TTLL11: variants seen among roughly 807,000 people sequenced by gnomAD.
The protein encoded by TTLL11 is tubulin polyglutamylase TTLL11.
Under a neutral mutation model 51.7 loss-of-function variants are expected in TTLL11, and 42 were observed. That is an observed-to-expected ratio of 0.81 (90% CI 0.64 to 1.05). The LOEUF is 1.05. TTLL11 is among the 50% of genes least tolerant of loss of function. The pLI, the probability that TTLL11 is intolerant of heterozygous loss-of-function variation, is 0.00. For missense variants in TTLL11, 799 were observed against 940.4 expected (o/e 0.85, Z 1.97); for synonymous variants, 381 against 383.5 (o/e 0.99, Z 0.08).
chr9:122,022,043 G>GA (rs1049802981), intron 3 of TTLL11, among the ~76,000 whole-genome samples: 2 of 152,132 alleles, frequency 1.3e-5, no homozygotes, highest in African/African-American at 4.8e-5. Flanking sequence ...CGACAAGAAT[G>GA]AAAAAAATGA....
chr9:121,994,469 C>A (rs1843199363), intron 3 of TTLL11, among the ~76,000 whole-genome samples: 1 of 152,174 alleles, frequency 6.6e-6, no homozygotes, highest in Non-Finnish European at 1.5e-5. Context: ...CTCACTTAAT[C>A]CTCACAACAA....
intron 1 of TTLL11, among the ~76,000 whole-genome samples, chr9:122,048,313 A>C (rs4837936): frequency 0.43 from 65,360 of 151,832 alleles, 15,992 homozygotes; most frequent in African/African-American, 0.67. Flanking sequence ...ACTATAAGCA[A>C]ATGGCACAGC....
rs550752902 is a variant in TTLL11 at position 122,030,900 on chromosome 9, G to A, written c.693+823C>T. ...AAGCTGCAGTAAGCCAAGATCTCACGACTGCACTCTGGCCTAGGCAACAGA... is the reference window on the plus strand; with the variant it reads ...AAGCTGCAGTAAGCCAAGATCTCACAACTGCACTCTGGCCTAGGCAACAGA... On this transcript the variant is annotated intron_variant, in intron 3 of 8. Coordinates refer to ENST00000321582, the MANE Select transcript of TTLL11 (RefSeq NM_001139442.2). Among the ~76,000 whole-genome samples the A allele has an allele frequency of 3.4e-4, 51 of 151,848 alleles. 1 individual carries two copies. The highest frequency in any genetic ancestry group is 1.1e-3 in the African/African-American group (46 of 41,390).
intron 6 of TTLL11, among the ~76,000 whole-genome samples, chr9:121,874,157 A>G (rs1013529791): frequency 6.6e-6 from 1 of 151,954 alleles, no homozygotes; most frequent in Admixed American, 6.6e-5. Flanking sequence ...GTGCCTGGCC[A>G]GTCTGGTTAA....
rs1313434230 is a variant in TTLL11 at position 121,817,747 on chromosome 9, G to C, written c.*4840C>G. The C allele has an allele frequency of 6.6e-6, 1 of 152,316 alleles. No homozygotes were observed. Among genetic ancestry groups the C allele is most frequent in the Non-Finnish European group, 1.5e-5 (1 of 68,106 alleles). The allele number at this position is 152,316 out of a possible 1,614,324, so 9.4% of individuals were successfully genotyped here. On this transcript the variant is annotated 3_prime_UTR_variant, in exon 9 of 9. Coordinates refer to ENST00000321582, the MANE Select transcript of TTLL11 (RefSeq NM_001139442.2). ...TGCCGAGGAAGGAGTGTGGGATCTGGAGCCAGCCGGGGGGCTCAGGTGGAT... is the reference window on the plus strand; with the variant it reads ...TGCCGAGGAAGGAGTGTGGGATCTGCAGCCAGCCGGGGGGCTCAGGTGGAT...
intron 1 of TTLL11, among the ~76,000 whole-genome samples, chr9:122,060,676 T>G (rs1048022705): frequency 2.0e-5 from 3 of 152,324 alleles, no homozygotes; most frequent in Admixed American, 6.5e-5. Flanking sequence ...CCAGGTCTTG[T>G]GCAAACCACT....
intron 6 of TTLL11, chr9:121,884,808 C>T (rs933395814): frequency 2.0e-5 from 3 of 152,206 alleles, no homozygotes; most frequent in African/African-American, 7.2e-5. Flanking sequence ...ATTTGGGAGA[C>T]TGGGGTTGAC....
At chr9:122,009,830 A>G (rs776557283) in intron 3 of TTLL11, among the ~76,000 whole-genome samples, 1 of 152,102 alleles carries the variant, frequency 6.6e-6, no homozygotes, top group African/African-American at 2.4e-5. Context: ...GATTTCAGAT[A>G]GTTAGAAATC....
intron 6 of TTLL11, among the ~76,000 whole-genome samples, chr9:121,893,936 A>G (rs1219105708): frequency 6.6e-6 from 1 of 152,206 alleles, no homozygotes; most frequent in East Asian, 1.9e-4. Flanking sequence ...TCATCTGAAG[A>G]GCAGCTGCAG....
At position 121,897,923 on chromosome 9, in the gene TTLL11, C is replaced by CTTTTTTTTTTTT. The variant is rs113818323; in HGVS notation, c.1482-27187_1482-27176dup. ...TTCCCTTCCCTCTCTTTCTTCTATT[C>CTTTTTTTTTTTT]TTTTTTTTTTTTTGAGATGGAGCCT... On this transcript the variant is annotated intron_variant, in intron 6 of 8. Coordinates refer to ENST00000321582, the MANE Select transcript of TTLL11 (RefSeq NM_001139442.2). Among the ~76,000 whole-genome samples, 277 of 143,122 alleles carry CTTTTTTTTTTTT rather than the reference C, an allele frequency of 1.9e-3. 3 individuals are homozygous for CTTTTTTTTTTTT. The highest frequency in any genetic ancestry group is 6.9e-3 in the African/African-American group (264 of 38,532). 93.9% of individuals were successfully genotyped at this position (143,122 alleles called of 152,430 possible).
rs116145165 is a variant in TTLL11 at position 121,910,361 on chromosome 9, G to A, written c.1482-39613C>T. 3.8e-3 allele frequency among the ~76,000 whole-genome samples: 573 copies of A among 152,314 alleles called. 5 individuals carry two copies. Among genetic ancestry groups the A allele is most frequent in the African/African-American group, 0.013 (547 of 41,558 alleles). On this transcript the variant is annotated intron_variant, in intron 6 of 8. Transcript: ENST00000321582. ...TTGGGCCAAAGTATGCTGCTTTTCT[G>A]CAGGGAGCAGCATGGCTTCATTTCA...
At chr9:121,978,775 T>G (rs1336695706) in intron 4 of TTLL11, among the ~76,000 whole-genome samples, 1 of 152,088 alleles carries the variant, frequency 6.6e-6, no homozygotes, top group African/African-American at 2.4e-5. Context: ...TATGCAAAGG[T>G]TCCAAACTAC....
At chr9:122,075,224 A>T (rs1445023637) in intron 1 of TTLL11, among the ~76,000 whole-genome samples, 1 of 152,236 alleles carries the variant, frequency 6.6e-6, no homozygotes, top group Non-Finnish European at 1.5e-5. Flanking sequence ...TCCTTGAGGA[A>T]TGGGTCCCTT....
chr9:122,046,138 T>A (rs953442416), intron 1 of TTLL11, among the ~76,000 whole-genome samples: 3 of 152,174 alleles, frequency 2.0e-5, no homozygotes, highest in African/African-American at 7.2e-5. Flanking sequence ...CCCGCCCAAG[T>A]TTCATGTCGA....
chr9:121,884,457 C>G (rs889002399), intron 6 of TTLL11, among the ~76,000 whole-genome samples: 1 of 152,130 alleles, frequency 6.6e-6, no homozygotes, highest in Non-Finnish European at 1.5e-5. Flanking sequence ...ACTGACCTAC[C>G]CCGTCCTGCC....
chr9:122,071,651 C>T (rs1335348925), intron 1 of TTLL11, among the ~76,000 whole-genome samples: 1 of 152,156 alleles, frequency 6.6e-6, no homozygotes, highest in Non-Finnish European at 1.5e-5. Flanking sequence ...AGGTGCTTGA[C>T]CTGCCACCCA....
At chr9:122,003,483 C>CT (rs398012131) in intron 3 of TTLL11, among the ~76,000 whole-genome samples, 7,967 of 116,466 alleles carry the variant, frequency 0.068, 495 homozygotes, top group African/African-American at 0.12. Context: ...GCATACGTTC[C>CT]TTTTTTTTTT....
intron 6 of TTLL11, among the ~76,000 whole-genome samples, chr9:121,908,642 C>G (rs956488997): frequency 6.6e-6 from 1 of 152,212 alleles, no homozygotes; most frequent in Non-Finnish European, 1.5e-5. Context: ...GTTTGTCCAT[C>G]CAGTTGTTGA....
chr9:121,884,083 A>G (rs1185278978), intron 6 of TTLL11, among the ~76,000 whole-genome samples: 1 of 152,208 alleles, frequency 6.6e-6, no homozygotes, highest in African/African-American at 2.4e-5. Context: ...TCCACGATAC[A>G]AGATGGCTTA....
Sources: allele counts gnomAD v4.1 joint callset (sites outside exome capture counted in the v4.1 genomes callset), GRCh38; gene constraint gnomAD v4.1.1; transcripts MANE v1.5; gene names NCBI Gene and HGNC (gene_info 2026-07-23, HGNC 2026-07-21).